The following CSMD1 variants were observed in gnomAD, a reference collection of about 807,000 sequenced individuals.
The protein encoded by CSMD1 is CUB and sushi domain-containing protein 1.
Under a neutral mutation model 417.5 loss-of-function variants are expected in CSMD1, and 213 were observed. The observed-to-expected ratio is 0.51, with a 90% CI of 0.46 to 0.57. The LOEUF is 0.57. Among genes scored for constraint, CSMD1 ranks in the 20% least tolerant of loss-of-function variants. The pLI, the probability that CSMD1 is intolerant of heterozygous loss-of-function variation, is 0.00. For missense variants in CSMD1, 6,923 were observed against 4,529.7 expected (o/e 1.53, Z -15.17); for synonymous variants, 2,862 against 1,736.8 (o/e 1.65, Z -16.11).
chr8:3,191,714 A>T (rs529522817), intron 33 of CSMD1, among the ~76,000 whole-genome samples: 34 of 152,342 alleles, frequency 2.2e-4, no homozygotes, highest in Middle Eastern at 6.8e-3. Flanking sequence ...ATCAAAAGGA[A>T]TGTGGGATAA....
At chr8:3,883,350 A>G (rs537651266) in intron 5 of CSMD1, among the ~76,000 whole-genome samples, 3 of 152,302 alleles carry the variant, frequency 2.0e-5, no homozygotes, top group South Asian at 4.1e-4. Flanking sequence ...AAAAAAGTCA[A>G]TTAACATGAA....
At chr8:3,743,828 A>G (rs756796177) in intron 6 of CSMD1, among the ~76,000 whole-genome samples, 6 of 152,160 alleles carry the variant, frequency 3.9e-5, no homozygotes, top group Non-Finnish European at 8.8e-5. Context: ...ACACAAATGC[A>G]TATCTGCTTC....
Position 3,409,613 on chromosome 8 carries a change from T to C in CSMD1, c.1562-8A>G, listed in dbSNP as rs752732041. The C allele has an allele frequency of 7.2e-5, 113 of 1,568,470 alleles. No homozygotes were observed. The highest frequency in any genetic ancestry group is 1.7e-4 in the Middle Eastern group (1 of 5,746). On this transcript the variant is annotated splice_polypyrimidine_tract_variant and splice_region_variant and intron_variant, in intron 12 of 69. Coordinates refer to ENST00000635120, the MANE Select transcript of CSMD1 (RefSeq NM_033225.6). ...ACCCTCCCTTTTCAATTTCTGAAAA[T>C]GGAAAAACAAATGAACCCTTAAAAA...
intron 3 of CSMD1, among the ~76,000 whole-genome samples, chr8:4,371,934 C>T (rs1367320): frequency 0.34 from 50,977 of 151,936 alleles, 8,664 homozygotes; most frequent in African/African-American, 0.39. Context: ...GTAATGATGA[C>T]GAAAAGTGGT....
chr8:2,989,457 A>T (rs1030640159), intron 54 of CSMD1, among the ~76,000 whole-genome samples: 1 of 152,234 alleles, frequency 6.6e-6, no homozygotes, highest in Non-Finnish European at 1.5e-5. Context: ...ATGGTCCATT[A>T]ACCTCCTCCT....
chr8:3,387,488 A>G lies in CSMD1; in HGVS notation c.2782+6T>C. 1 of 1,592,246 alleles carries G rather than the reference A, an allele frequency of 6.3e-7. No homozygotes were observed. Among genetic ancestry groups the G allele is most frequent in the Non-Finnish European group, 8.6e-7 (1 of 1,168,954 alleles). ...CTGGTGCATTGCCTCACTGAGCTGT[A>G]CCTACCGTCGCAGCTGGGCAAGGCG... On this transcript the variant is annotated splice_donor_region_variant and intron_variant, in intron 18 of 69. Coordinates refer to ENST00000635120, the MANE Select transcript of CSMD1 (RefSeq NM_033225.6).
chr8:3,640,878 T>G (rs1282830976), intron 7 of CSMD1, among the ~76,000 whole-genome samples: 1 of 152,056 alleles, frequency 6.6e-6, no homozygotes, highest in African/African-American at 2.4e-5. Context: ...GTTAATGATG[T>G]CAGTATCCAA....
intron 1 of CSMD1, among the ~76,000 whole-genome samples, chr8:4,888,861 G>C (rs752018955): frequency 2.0e-5 from 3 of 152,066 alleles, no homozygotes; most frequent in Non-Finnish European, 4.4e-5. Flanking sequence ...GCAACAAAGA[G>C]AGTGAAATAA....
intron 1 of CSMD1, among the ~76,000 whole-genome samples, chr8:4,978,988 T>A (rs1482472349): frequency 6.6e-6 from 1 of 152,148 alleles, no homozygotes; most frequent in East Asian, 1.9e-4. Context: ...GAGAAAGTAG[T>A]AGCAAACCTT....
chr8:3,579,478 G>A (rs1800290904), intron 9 of CSMD1, among the ~76,000 whole-genome samples: 1 of 152,190 alleles, frequency 6.6e-6, no homozygotes, highest in Admixed American at 6.5e-5. Flanking sequence ...GATTTCAGGA[G>A]TCGCATTAGA....
intron 2 of CSMD1, among the ~76,000 whole-genome samples, chr8:4,453,706 C>T (rs949404271): frequency 6.6e-6 from 1 of 151,990 alleles, no homozygotes; most frequent in East Asian, 1.9e-4. Context: ...TGGGTATGCA[C>T]AGGCATCACA....
chr8:4,730,182 A>G (rs1207587580), intron 1 of CSMD1, among the ~76,000 whole-genome samples: 1 of 152,148 alleles, frequency 6.6e-6, no homozygotes, highest in Non-Finnish European at 1.5e-5. Context: ...TGGAAAAAGA[A>G]AGGGATGGAA....
intron 40 of CSMD1, among the ~76,000 whole-genome samples, chr8:3,147,208 G>T (rs10109874): frequency 6.6e-6 from 1 of 151,872 alleles, no homozygotes; most frequent in African/African-American, 2.4e-5. Context: ...TTGCAAGAAC[G>T]ATTTTTTCTT....
chr8:3,460,870 A>G (rs1013884861), intron 12 of CSMD1, among the ~76,000 whole-genome samples: 1 of 152,186 alleles, frequency 6.6e-6, no homozygotes, highest in Non-Finnish European at 1.5e-5. Flanking sequence ...CTTGTTCTAG[A>G]AGCAAAGAGC....
intron 1 of CSMD1, among the ~76,000 whole-genome samples, chr8:4,671,023 G>A (rs1223571792): frequency 6.6e-6 from 1 of 152,192 alleles, no homozygotes; most frequent in Admixed American, 6.5e-5. Context: ...ATTGGCTGCT[G>A]TTTTATCCAC....
At chr8:3,564,801 G>A (rs1201236443) in intron 10 of CSMD1, among the ~76,000 whole-genome samples, 1 of 151,990 alleles carries the variant, frequency 6.6e-6, no homozygotes, top group Non-Finnish European at 1.5e-5. Context: ...AGAGGTGTGA[G>A]AGGGAAGTAG....
chr8:4,837,652 C>T (rs148498327), intron 1 of CSMD1, among the ~76,000 whole-genome samples: 1 of 151,882 alleles, frequency 6.6e-6, no homozygotes, highest in African/African-American at 2.4e-5. Flanking sequence ...GGATAGTTAA[C>T]AGGTACAAAA....
intron 3 of CSMD1, among the ~76,000 whole-genome samples, chr8:4,405,915 G>C (rs1264601186): frequency 6.6e-6 from 1 of 152,168 alleles, no homozygotes. Context: ...GCTCCAAGGA[G>C]CATCTCGTTT....
At position 3,234,138 on chromosome 8, in the gene CSMD1, A is replaced by G. The variant is rs146121686; in HGVS notation, c.4154-3907T>C. ...AAGGGACTCTGAGAGTGGAAGCTCCACATCACAGAGGATCAGCAGAGGCAA... is the reference window on the plus strand; with the variant it reads ...AAGGGACTCTGAGAGTGGAAGCTCCGCATCACAGAGGATCAGCAGAGGCAA... On this transcript the variant is annotated intron_variant, in intron 26 of 69. Coordinates refer to ENST00000635120, the MANE Select transcript of CSMD1 (RefSeq NM_033225.6). 3.1e-3 allele frequency among the ~76,000 whole-genome samples: 467 copies of G among 152,290 alleles called. 5 individuals carry two copies. Among genetic ancestry groups the G allele is most frequent in the African/African-American group, 0.01 (432 of 41,556 alleles).
Sources: gnomAD v4.1 joint callset for allele counts (sites outside exome capture counted in the v4.1 genomes callset) on GRCh38, gnomAD v4.1.1 for gene constraint, MANE v1.5 for transcripts, NCBI Gene and HGNC (gene_info 2026-07-23, HGNC 2026-07-21) for gene names.